Variants in STPG2 observed in about 807,000 individuals in gnomAD.
STPG2 encodes sperm tail PG-rich repeat containing 2.
In STPG2, 56 loss-of-function variants were observed where a neutral mutation model predicts 54.2. The observed-to-expected ratio is 1.03, with a 90% CI of 0.83 to 1.29. The LOEUF (loss-of-function observed/expected upper bound fraction) is 1.29. Ranked by LOEUF, STPG2 falls within the 50% of genes most tolerant of loss-of-function variation. STPG2 has a pLI of 0.00. For missense variants in STPG2, 596 were observed against 544.9 expected, an observed-to-expected ratio of 1.09 and a Z score of -0.93; for synonymous variants, 200 against 181.8, an observed-to-expected ratio of 1.10 and a Z score of -0.81.
chr4:97,968,049 C>CA (rs1270560246), intron 7 of STPG2, among the ~76,000 whole-genome samples: 33 of 152,022 alleles, frequency 2.2e-4, no homozygotes, highest in African/African-American at 7.0e-4. Flanking sequence ...AAAAAACCTT[C>CA]AAAAAATCAA....
intron 10 of STPG2, among the ~76,000 whole-genome samples, chr4:97,683,295 A>G (rs1723086937): frequency 6.6e-6 from 1 of 151,778 alleles, no homozygotes; most frequent in African/African-American, 2.4e-5. Flanking sequence ...TGCATTTTAT[A>G]CTCCTCTAAT....
intron 8 of STPG2, among the ~76,000 whole-genome samples, chr4:97,920,913 A>C (rs1245362128): frequency 1.3e-5 from 2 of 152,198 alleles, no homozygotes; most frequent in Non-Finnish European, 2.9e-5. Context: ...GGTATCTGCA[A>C]GATGGGAGAA....
chr4:97,711,318 C>T (rs1724110904), intron 10 of STPG2, among the ~76,000 whole-genome samples: 1 of 152,130 alleles, frequency 6.6e-6, no homozygotes, highest in Admixed American at 6.5e-5. Flanking sequence ...TCACTATGCT[C>T]ATCAATCTAA....
chr4:97,594,951 C>T (rs1436754823), intron 10 of STPG2, among the ~76,000 whole-genome samples: 1 of 152,148 alleles, frequency 6.6e-6, no homozygotes, highest in Non-Finnish European at 1.5e-5. Context: ...CAGGAAACAA[C>T]AGGTGCTGGA....
chr4:97,828,967 C>A (rs1377685438), intron 9 of STPG2, among the ~76,000 whole-genome samples: 2 of 152,156 alleles, frequency 1.3e-5, no homozygotes, highest in Non-Finnish European at 2.9e-5. Flanking sequence ...CTTAAACATC[C>A]CTGCCTGATG....
intron 10 of STPG2, among the ~76,000 whole-genome samples, chr4:97,648,142 AG>A (rs773475457): frequency 2.6e-5 from 4 of 152,138 alleles, no homozygotes; most frequent in Non-Finnish European, 4.4e-5. Flanking sequence ...AAGGCCCTGG[AG>A]TAAAGTGAGC....
intron 8 of STPG2, among the ~76,000 whole-genome samples, chr4:97,858,247 A>C (rs1401123517): frequency 6.6e-6 from 1 of 152,122 alleles, no homozygotes; most frequent in East Asian, 1.9e-4. Flanking sequence ...CAAGTCATTT[A>C]ATAATCAAAT....
chr4:98,082,093 C>T (rs1022177109), intron 5 of STPG2, among the ~76,000 whole-genome samples: 4 of 152,184 alleles, frequency 2.6e-5, no homozygotes, highest in Non-Finnish European at 4.4e-5. Context: ...TTCCAACCCA[C>T]CAATGAGGTC....
At chr4:97,547,224 T>A (rs1731853000) in intron 4 of STPG2, among the ~76,000 whole-genome samples, 1 of 151,878 alleles carries the variant, frequency 6.6e-6, no homozygotes. Flanking sequence ...TTTTTTTTTT[T>A]TTTTGAGACA....
intron 10 of STPG2, among the ~76,000 whole-genome samples, chr4:97,692,007 A>G (rs1723381481): frequency 2.0e-5 from 3 of 152,106 alleles, no homozygotes; most frequent in South Asian, 4.2e-4. Flanking sequence ...GGAGCACCCT[A>G]TGGGACAAAA....
intron 10 of STPG2, among the ~76,000 whole-genome samples, chr4:97,574,448 A>C (rs528739629): frequency 6.6e-6 from 1 of 152,068 alleles, no homozygotes; most frequent in African/African-American, 2.4e-5. Context: ...TTGTAAAAAA[A>C]AAAAGTATGA....
At chr4:97,556,248 G>C (rs1164010726), downstream of STPG2, among the ~76,000 whole-genome samples, 4 of 152,176 alleles carry the variant, frequency 2.6e-5, no homozygotes, top group African/African-American at 7.2e-5. Context: ...GTGGTCATTA[G>C]AGTAAATGGT....
At chr4:97,967,284 G>C (rs932586339) in intron 7 of STPG2, among the ~76,000 whole-genome samples, 2 of 151,798 alleles carry the variant, frequency 1.3e-5, no homozygotes, top group Non-Finnish European at 2.9e-5. Context: ...TTACATAATG[G>C]TAAAGGGATC....
At chr4:98,030,416 T>C (rs967618832) in intron 5 of STPG2, among the ~76,000 whole-genome samples, 9 of 152,314 alleles carry the variant, frequency 5.9e-5, no homozygotes, top group African/African-American at 2.2e-4. Context: ...GCTTTATACA[T>C]TATCAAGGGA....
chr4:97,780,051 G>T (rs2600608), intron 9 of STPG2, among the ~76,000 whole-genome samples: 74,768 of 138,722 alleles, frequency 0.54, 20,580 homozygotes, highest in East Asian at 0.72. Flanking sequence ...GCTAACATCA[G>T]AATGACAGGA....
At chr4:97,984,301 T>C (rs1053015848) in intron 5 of STPG2, among the ~76,000 whole-genome samples, 17 of 152,112 alleles carry the variant, frequency 1.1e-4, no homozygotes, top group African/African-American at 4.1e-4. Context: ...CATGCCACAA[T>C]GCCCAGCTAA....
At chr4:97,903,894 G>T (rs552136411) in intron 8 of STPG2, among the ~76,000 whole-genome samples, 1 of 152,306 alleles carries the variant, frequency 6.6e-6, no homozygotes, top group East Asian at 1.9e-4. Flanking sequence ...TTTCCAACGG[G>T]CTTAAAAAAT....
chr4:97,850,865 T>C (rs975893377), intron 8 of STPG2, among the ~76,000 whole-genome samples: 2 of 152,164 alleles, frequency 1.3e-5, no homozygotes, highest in Admixed American at 6.5e-5. Context: ...AAAGAAAGAA[T>C]GAATGAATAC....
At chr4:97,496,245 C>T (rs914942762) in intron 4 of STPG2, among the ~76,000 whole-genome samples, 3 of 151,604 alleles carry the variant, frequency 2.0e-5, no homozygotes, top group Admixed American at 1.3e-4. Context: ...AAATAACTTG[C>T]AATTTTTCAT....
Sources: gnomAD v4.1 joint callset for allele counts (sites outside exome capture counted in the v4.1 genomes callset) on GRCh38, gnomAD v4.1.1 for gene constraint, MANE v1.5 for transcripts, NCBI Gene and HGNC (gene_info 2026-07-23, HGNC 2026-07-21) for gene names.